Variants in MRPL45 observed in about 807,000 individuals in gnomAD.
MRPL45 encodes mitochondrial ribosomal protein L45, also known as large ribosomal subunit protein mL45.
In MRPL45, 20 loss-of-function variants were observed where a neutral mutation model predicts 38.1. The ratio of observed to expected loss-of-function variants is 0.53; its 90% CI spans 0.37 to 0.76. The LOEUF (loss-of-function observed/expected upper bound fraction) is 0.76. Among genes scored for constraint, MRPL45 ranks in the 30% least tolerant of loss-of-function variants. MRPL45 has a pLI of 0.00. For synonymous variants in MRPL45, 105 were observed against 128.8 expected (o/e 0.82, Z 1.25); for missense variants, 337 against 395.6 (o/e 0.85, Z 1.26).
chr17:38,304,526 T>G (rs1372099294), intron 3 of MRPL45, among the ~76,000 whole-genome samples: 2 of 152,134 alleles, frequency 1.3e-5, no homozygotes, highest in African/African-American at 2.4e-5. Context: ...ACTGCTCTGT[T>G]GTCTTTGTAA....
chr17:38,310,842 T>G (rs2037105101), intron 4 of MRPL45, among the ~76,000 whole-genome samples: 1 of 152,194 alleles, frequency 6.6e-6, no homozygotes, highest in African/African-American at 2.4e-5. Flanking sequence ...CAGGCTGGTC[T>G]CGAACTCTGG....
intron 3 of MRPL45, among the ~76,000 whole-genome samples, chr17:38,305,328 G>A (rs934405701): frequency 7.0e-6 from 1 of 142,634 alleles, no homozygotes; most frequent in African/African-American, 2.5e-5. Context: ...TTAGGCGGGC[G>A]GGGTGATGTG....
chr17:38,320,663 G>C lies in MRPL45; in HGVS notation c.556G>C (p.Val186Leu). 1 of 1,614,168 alleles carries C rather than the reference G, an allele frequency of 6.2e-7. No individual in the cohort carries two copies. The highest frequency in any genetic ancestry group is 8.5e-7 in the Non-Finnish European group (1 of 1,180,026). ...IKYKTVRWSF[V>L]ESLEPSHVVQ... ...ATATAAGACCGTCCGCTGGAGCTTT[G>C]TGGAATCTTTAGAGCCCTCTCATGT... The change falls in exon 6 of 8, where the codon GTG becomes CTG. Residue 186 changes from valine (V) to leucine (L), a missense_variant. Coordinates refer to ENST00000613675, the MANE Select transcript of MRPL45 (RefSeq NM_032351.6).
intron 5 of MRPL45, among the ~76,000 whole-genome samples, chr17:38,318,993 A>C (rs2037202980): frequency 7.3e-6 from 1 of 137,356 alleles, no homozygotes; most frequent in Non-Finnish European, 1.5e-5. Context: ...ATGCCCAGCT[A>C]ATTTTTTATT....
chr17:38,315,972 A>G (rs1224408390), intron 4 of MRPL45, among the ~76,000 whole-genome samples: 1 of 150,884 alleles, frequency 6.6e-6, no homozygotes, highest in East Asian at 2.0e-4. Flanking sequence ...ATAGGGTTTC[A>G]CCCTGTTGAC....
At position 38,322,662 on chromosome 17, in the gene MRPL45, TC is replaced by T. The variant is rs750268773; in HGVS notation, c.*71del. 4.5e-5 allele frequency: 55 copies of T among 1,216,996 alleles called. No individual in the cohort carries two copies. Among genetic ancestry groups the T allele is most frequent in the Non-Finnish European group, 6.2e-5 (52 of 840,226 alleles). 75.4% of individuals were successfully genotyped at this position (1,216,996 alleles called of 1,614,324 possible). On this transcript the variant is annotated 3_prime_UTR_variant, in exon 8 of 8. Coordinates refer to ENST00000613675, the MANE Select transcript of MRPL45 (RefSeq NM_032351.6). ...TGCTGGAAGCTTTGAAGTCTCCCAT[TC>T]CCCTCATGCTATAAAAAGAACTACC...
chr17:38,322,205 T>C lies in MRPL45; in HGVS notation c.740T>C (p.Val247Ala). The C allele has an allele frequency of 1.9e-6, 3 of 1,614,110 alleles. No individual in the cohort carries two copies. Among genetic ancestry groups the C allele is most frequent in the Non-Finnish European group, 2.5e-6 (3 of 1,180,016 alleles). ...DVPKDVLEYV[V>A]FEKQLTNPYG... Reference sequence around the variant, plus strand: ...CCCAAGGATGTCCTGGAGTATGTTGTATTCGAAAAGCAGTTGACAAACCCC... The same window carrying C: ...CCCAAGGATGTCCTGGAGTATGTTGCATTCGAAAAGCAGTTGACAAACCCC... Residue 247 changes from valine to alanine, a missense_variant, in exon 7 of 8, where the codon GTA (valine) becomes GCA (alanine). Coordinates refer to ENST00000613675, the MANE Select transcript of MRPL45 (RefSeq NM_032351.6).
intron 3 of MRPL45, 136 bp downstream of exon 3, chr17:38,299,604 A>C: frequency 1.7e-6 from 1 of 595,262 alleles, no homozygotes; most frequent in Admixed American, 3.8e-5. Context: ...TCTCCTTTGT[A>C]CTAGAGTCTG....
At position 38,299,437 on chromosome 17, in the gene MRPL45, C is replaced by T. The variant is rs773667082; in HGVS notation, c.331C>T (p.Arg111Ter). 2.0e-5 allele frequency: 32 copies of T among 1,610,242 alleles called. No homozygotes were observed. The highest frequency in any genetic ancestry group is 1.6e-4 in the Middle Eastern group (1 of 6,076). ...GGAGGGACTGATAGAGAGAACTGAA[C>T]GAATGAAGAAGACTATGGCATCACA... ...SKEGLIERTE[R>*]MKKTMASQVS... Residue 111 changes from arginine (R) to a stop codon, truncating the protein, a stop_gained, in exon 3 of 8, where the codon CGA becomes TGA. Coordinates refer to ENST00000613675, the MANE Select transcript of MRPL45 (RefSeq NM_032351.6). LOFTEE classifies it high-confidence loss of function.
chr17:38,318,449 T>C (rs1209577037), intron 4 of MRPL45, among the ~76,000 whole-genome samples: 1 of 151,848 alleles, frequency 6.6e-6, no homozygotes, highest in Non-Finnish European at 1.5e-5. Context: ...TTTTTAAATT[T>C]ATTTTTTATT....
chr17:38,316,173 C>T (rs1296933928), intron 4 of MRPL45, among the ~76,000 whole-genome samples: 1 of 151,964 alleles, frequency 6.6e-6, no homozygotes, highest in Non-Finnish European at 1.5e-5. Context: ...CCCACAGGTC[C>T]CTCAAGGTTT....
Position 38,297,240 on chromosome 17 carries a change from G to C in MRPL45, c.57G>C (p.Trp19Cys), listed in dbSNP as rs764869599. 6.2e-7 allele frequency: 1 copy of C among 1,614,112 alleles called. No homozygotes were observed. The highest frequency in any genetic ancestry group is 1.7e-5 in the Admixed American group (1 of 60,004). ...FSCLSRFLGW[W>C]SRQPVLVTQS... ...GTTTATCGAGGTTTTTGGGCTGGTGGTCTCGGCAGGTGGGTAGGGACGGGG... is the reference window on the plus strand; with the variant it reads ...GTTTATCGAGGTTTTTGGGCTGGTGCTCTCGGCAGGTGGGTAGGGACGGGG... Residue 19 changes from tryptophan to cysteine, a missense_variant, in exon 1 of 8, where the codon TGG becomes TGC. Around this residue, in one of 3 missense-constraint regions of MRPL45, gnomAD observed 60 missense variants for 109.6 expected, o/e 0.55. Coordinates refer to ENST00000613675, the MANE Select transcript of MRPL45 (RefSeq NM_032351.6).
chr17:38,313,666 C>CTT (rs113089636), intron 4 of MRPL45, among the ~76,000 whole-genome samples: 5 of 139,766 alleles, frequency 3.6e-5, no homozygotes, highest in South Asian at 2.3e-4. Flanking sequence ...GAAGAAAGGT[C>CTT]TTTTTTTTTT....
chr17:38,312,675 TC>T, intron 4 of MRPL45, among the ~76,000 whole-genome samples: 1 of 152,172 alleles, frequency 6.6e-6, no homozygotes, highest in Admixed American at 6.6e-5. Context: ...AGACCCCATC[TC>T]TATAAAAAAT....
Position 38,297,200 on chromosome 17 carries a change from C to G in MRPL45, c.17C>G (p.Pro6Arg). MAAPI[P>R]QGFSCLSRFL... The stretch of plus-strand genomic sequence containing the variant: ...GGGAACAAGATGGCAGCCCCCATAC[C>G]TCAAGGGTTCTCTTGTTTATCGAGG... The change falls in exon 1 of 8, where the codon CCT becomes CGT. Residue 6 changes from proline (P) to arginine (R), a missense_variant. Pro to Arg is a moderately radical substitution (Grantham distance 103). Coordinates refer to ENST00000613675, the MANE Select transcript of MRPL45 (RefSeq NM_032351.6). The G allele has an allele frequency of 1.9e-6, 3 of 1,614,248 alleles. No homozygotes were observed. The highest frequency in any genetic ancestry group is 1.1e-5 in the South Asian group (1 of 91,088).
Position 38,299,471 on chromosome 17 carries a change from A to G in MRPL45, c.362+3A>G, listed in dbSNP as rs749152085. ...AAGACTATGGCATCACAAGTGTCGT[A>G]GGTGTCTGAGACAATTGGGTATTGG... is the stretch of plus-strand genomic sequence containing the variant. On this transcript the variant is annotated splice_donor_region_variant and intron_variant, in intron 3 of 7. Transcript: ENST00000613675. 7 of 1,586,112 alleles carry G rather than the reference A, an allele frequency of 4.4e-6. No homozygotes were observed. In the African/African-American group the frequency reaches 9.6e-5, roughly 22 times the overall value.
chr17:38,318,680 T>C lies in MRPL45; in HGVS notation c.462-7T>C. The stretch of plus-strand genomic sequence containing the variant: ...TAGTCAATGATATTTATTGCTTTCT[T>C]TTCTAGCTCAGACCATGACCGGCTT... On this transcript the variant is annotated splice_region_variant and splice_polypyrimidine_tract_variant and intron_variant, in intron 4 of 7. Transcript: ENST00000613675. The C allele has an allele frequency of 1.2e-6, 2 of 1,602,106 alleles. No individual in the cohort carries two copies. The highest frequency in any genetic ancestry group is 1.7e-6 in the Non-Finnish European group (2 of 1,169,524).
intron 4 of MRPL45, among the ~76,000 whole-genome samples, chr17:38,308,441 T>G (rs2037075548): frequency 1.5e-5 from 2 of 129,450 alleles, no homozygotes; most frequent in South Asian, 5.2e-4. Context: ...TTTTTTTTTT[T>G]GTTTGTTTGT....
At chr17:38,318,813 T>C (rs1322591547) in intron 5 of MRPL45, 78 bp downstream of exon 5, 1 of 846,640 alleles carries the variant, frequency 1.2e-6, no homozygotes, top group East Asian at 2.7e-5. Context: ...TTTTCTTTTC[T>C]TTTCTTTTCT....
Sources: allele counts gnomAD v4.1 joint callset (sites outside exome capture counted in the v4.1 genomes callset), GRCh38; gene constraint gnomAD v4.1.1; regional missense constraint gnomAD v4.1.1; transcripts MANE v1.5; gene names NCBI Gene and HGNC (gene_info 2026-07-23, HGNC 2026-07-21).